ARHGAP6: variants seen among roughly 807,000 people sequenced by gnomAD.
The protein encoded by ARHGAP6 is rho GTPase-activating protein 6.
ARHGAP6 carries 16 observed loss-of-function variants against 55.7 expected under a neutral mutation model. The ratio of observed to expected loss-of-function variants is 0.29; its 90% confidence interval spans 0.19 to 0.44. The LOEUF (loss-of-function observed/expected upper bound fraction) is 0.44. Ranked by LOEUF, ARHGAP6 falls within the 20% of genes least tolerant of loss-of-function variation. The pLI is 1.00. For synonymous variants in ARHGAP6, 382 were observed against 360.9 expected (o/e 1.06, Z -0.66); for missense variants, 698 against 808.9 (o/e 0.86, Z 1.66).
chrX:11,446,103 G>T (rs2050089547), intron 1 of ARHGAP6, among the ~76,000 whole-genome samples: 1 of 111,885 alleles, frequency 8.9e-6, no homozygotes, highest in Non-Finnish European at 1.9e-5. Flanking sequence ...CTAACTTATT[G>T]AAAAGTAATT....
chrX:11,163,038 T>C (rs749310456), intron 9 of ARHGAP6, among the ~76,000 whole-genome samples: 45 of 112,237 alleles, frequency 4.0e-4, no homozygotes, highest in African/African-American at 1.4e-3. Flanking sequence ...TGATTCTTCA[T>C]TTACAATTCA....
intron 1 of ARHGAP6, among the ~76,000 whole-genome samples, chrX:11,422,341 C>T (rs1263056555): frequency 1.8e-5 from 2 of 110,482 alleles, no homozygotes; most frequent in East Asian, 2.8e-4. Context: ...AAGAACTGGT[C>T]GCATTTGAGG....
intron 2 of ARHGAP6, among the ~76,000 whole-genome samples, chrX:11,223,506 T>C (rs775078750): frequency 1.3e-4 from 14 of 111,556 alleles, no homozygotes; most frequent in African/African-American, 3.2e-4. Flanking sequence ...CAGATAAAAA[T>C]AGTCTTCCTG....
At chrX:11,651,584 G>A (rs1380866996) in intron 1 of ARHGAP6, among the ~76,000 whole-genome samples, 2 of 111,618 alleles carry the variant, frequency 1.8e-5, no homozygotes, top group Non-Finnish European at 3.8e-5. Flanking sequence ...TATTGTGAAT[G>A]GTGCTGCAAT....
At chrX:11,398,207 T>G (rs967610017) in intron 1 of ARHGAP6, among the ~76,000 whole-genome samples, 1 of 107,060 alleles carries the variant, frequency 9.3e-6, no homozygotes, top group African/African-American at 3.4e-5. Flanking sequence ...TAAAGAAGTA[T>G]TTGTAAAAAT....
intron 1 of ARHGAP6, among the ~76,000 whole-genome samples, chrX:11,291,839 C>T (rs2047999118): frequency 8.9e-6 from 1 of 111,935 alleles, no homozygotes; most frequent in Non-Finnish European, 1.9e-5. Context: ...TTATAATCTT[C>T]TACTTCCTTC....
chrX:11,569,994 T>C (rs1289297546), intron 1 of ARHGAP6, among the ~76,000 whole-genome samples: 1 of 112,179 alleles, frequency 8.9e-6, no homozygotes, highest in Non-Finnish European at 1.9e-5. Flanking sequence ...AAATTTCATG[T>C]TTACAGCAAT....
intron 1 of ARHGAP6, among the ~76,000 whole-genome samples, chrX:11,653,366 C>T (rs774794841): frequency 8.9e-6 from 1 of 112,003 alleles, no homozygotes; most frequent in Non-Finnish European, 1.9e-5. Flanking sequence ...ACTCCAATGC[C>T]TACCATGAAA....
At chrX:11,466,334 A>G (rs928735076) in intron 1 of ARHGAP6, among the ~76,000 whole-genome samples, 4 of 111,203 alleles carry the variant, frequency 3.6e-5, no homozygotes, top group Non-Finnish European at 7.5e-5. Context: ...GAAATAAACT[A>G]TTTACTCTCC....
chrX:11,173,862 A>G (rs892283250), intron 8 of ARHGAP6, among the ~76,000 whole-genome samples: 3 of 111,468 alleles, frequency 2.7e-5, no homozygotes, highest in African/African-American at 9.8e-5. Flanking sequence ...CCTCTCTTTC[A>G]TAAAGACAAG....
chrX:11,544,689 C>T (rs1320176475), intron 1 of ARHGAP6, among the ~76,000 whole-genome samples: 1 of 112,127 alleles, frequency 8.9e-6, no homozygotes, highest in East Asian at 2.8e-4. Flanking sequence ...TTTAATTTCA[C>T]ACTGACATCT....
intron 1 of ARHGAP6, among the ~76,000 whole-genome samples, chrX:11,396,072 C>T: frequency 9.0e-6 from 1 of 111,570 alleles, no homozygotes; most frequent in Non-Finnish European, 1.9e-5. Context: ...ATAGGCAACT[C>T]TTACTCTTTA....
chrX:11,382,999 C>T (rs1338407412), intron 1 of ARHGAP6, among the ~76,000 whole-genome samples: 2 of 112,016 alleles, frequency 1.8e-5, no homozygotes, highest in Non-Finnish European at 3.8e-5. Flanking sequence ...GATGAATACA[C>T]AAACTCCACA....
intron 1 of ARHGAP6, among the ~76,000 whole-genome samples, chrX:11,444,273 G>A (rs1366201229): frequency 8.9e-6 from 1 of 112,295 alleles, no homozygotes; most frequent in Non-Finnish European, 1.9e-5. Context: ...AACAGTCAGC[G>A]GGCTGAATTT....
intron 1 of ARHGAP6, among the ~76,000 whole-genome samples, chrX:11,260,155 C>A (rs2047539837): frequency 9.0e-6 from 1 of 111,152 alleles, no homozygotes; most frequent in South Asian, 3.8e-4. Context: ...ACAAGAAATG[C>A]ACACAGCTTC....
At chrX:11,585,683 A>G (rs1309329449) in intron 1 of ARHGAP6, among the ~76,000 whole-genome samples, 1 of 112,392 alleles carries the variant, frequency 8.9e-6, no homozygotes, top group Non-Finnish European at 1.9e-5. Context: ...GACCTTTGTC[A>G]AATGCATAGT....
At chrX:11,563,333 C>T (rs1243414879) in intron 1 of ARHGAP6, among the ~76,000 whole-genome samples, 2 of 88,016 alleles carry the variant, frequency 2.3e-5, no homozygotes, top group African/African-American at 5.0e-5. Context: ...ATAAGATAAT[C>T]CAATTTAATA....
chrX:11,228,665 C>A (rs1220870394), intron 2 of ARHGAP6, among the ~76,000 whole-genome samples: 1 of 112,275 alleles, frequency 8.9e-6, no homozygotes, highest in Non-Finnish European at 1.9e-5. Flanking sequence ...TTGATGTAAG[C>A]ACTGGAATAT....
intron 1 of ARHGAP6, among the ~76,000 whole-genome samples, chrX:11,312,204 C>G (rs1427188340): frequency 8.9e-6 from 1 of 111,986 alleles, no homozygotes; most frequent in African/African-American, 3.2e-5. Context: ...ACAACACAAA[C>G]TTCAGATTAA....
Sources: allele counts gnomAD v4.1 joint callset (sites outside exome capture counted in the v4.1 genomes callset), GRCh38; gene constraint gnomAD v4.1.1; transcripts MANE v1.5; gene names NCBI Gene and HGNC (gene_info 2026-07-23, HGNC 2026-07-21).